COPG2: variants seen among roughly 807,000 people sequenced by gnomAD.
COPG2 encodes coat protein complex I subunit gamma 2, also known as coatomer subunit gamma-2.
COPG2 carries 37 observed loss-of-function variants against 46.3 expected under a neutral mutation model. That is an observed-to-expected ratio of 0.80 (90% CI 0.61 to 1.05). The LOEUF (loss-of-function observed/expected upper bound fraction) is 1.05. COPG2 is among the 50% of genes least tolerant of loss of function. The pLI, the probability that COPG2 is intolerant of heterozygous loss-of-function variation, is 0.00. For missense variants in COPG2, 427 were observed against 387.8 expected (o/e 1.10, Z -0.85); for synonymous variants, 159 against 129.7 (o/e 1.23, Z -1.53).
At chr7:130,576,591 T>G (rs569160238) in intron 9 of COPG2, among the ~76,000 whole-genome samples, 1 of 152,098 alleles carries the variant, frequency 6.6e-6, no homozygotes, top group Non-Finnish European at 1.5e-5. Flanking sequence ...TTCATAGCCC[T>G]CCATCAAAAG....
chr7:130,621,943 CAAA>C lies in COPG2; in HGVS notation c.324-4881_324-4879del, dbSNP rs562107230. The stretch of plus-strand genomic sequence containing the variant: ...TGGGAGACAGAGCGAGACTCCATCT[CAAA>C]AAAAAAAAAAAAAAAAAAAAGACAA... On this transcript the variant is annotated intron_variant, in intron 5 of 23. Transcript: ENST00000425248. Among the ~76,000 whole-genome samples, 135 of 67,530 alleles carry C rather than the reference CAAA, an allele frequency of 2.0e-3. 1 individual carries two copies. The highest frequency in any genetic ancestry group is 6.1e-3 in the African/African-American group (126 of 20,584). 44.3% of individuals were successfully genotyped at this position (67,530 alleles called of 152,430 possible).
At chr7:130,605,215 T>C (rs1033982901) in intron 9 of COPG2, 4 of 520,064 alleles carry the variant, frequency 7.7e-6, no homozygotes, top group South Asian at 1.4e-5. Context: ...CTAACTCTCT[T>C]TGACTCTCTC....
At chr7:130,526,849 T>G (rs1176809802) in intron 20 of COPG2, among the ~76,000 whole-genome samples, 4 of 34,912 alleles carry the variant, frequency 1.1e-4, no homozygotes, top group East Asian at 7.1e-4. Flanking sequence ...GGGTTCGGGG[T>G]GGGATTTGGG....
rs1429797353 is a variant in COPG2 at position 130,666,231 on chromosome 7, GC to G, written c.171+617del. Reference sequence around the variant, plus strand: ...TAAAATCTGAATATTAACAATCAAAGCTTTAAAACATCATTACACACATAAA... The same window carrying G: ...TAAAATCTGAATATTAACAATCAAAGTTTAAAACATCATTACACACATAAA... On this transcript the variant is annotated intron_variant, in intron 3 of 23. Coordinates refer to ENST00000425248, the MANE Select transcript of COPG2 (RefSeq NM_012133.6). 3.9e-5 allele frequency among the ~76,000 whole-genome samples: 6 copies of G among 152,230 alleles called. No individual in the cohort carries two copies. The East Asian group carries it at 1.2e-3, about 29-fold the overall frequency.
chr7:130,509,221 T>C (rs1449340393), intron 20 of COPG2: 1 of 492,880 alleles, frequency 2.0e-6, no homozygotes, highest in Non-Finnish European at 4.1e-6. Context: ...GAGTTTCTAG[T>C]ATTGGTAAAG....
intron 1 of COPG2, 78 bp from the exon 2 acceptor site, chr7:130,667,612 T>A: frequency 8.5e-7 from 1 of 1,171,516 alleles, no homozygotes; most frequent in Non-Finnish European, 1.3e-6. Flanking sequence ...AGAAGGGTAC[T>A]GAATGCTTGG....
chr7:130,646,285 C>CTTCATGGTCTGCTGCT (rs1435348091), intron 5 of COPG2, among the ~76,000 whole-genome samples: 1 of 152,200 alleles, frequency 6.6e-6, no homozygotes, highest in Non-Finnish European at 1.5e-5. Flanking sequence ...CTGCTGAAGA[C>CTTCATGGTCTGCTGCT]GAAGGGCTTC....
chr7:130,578,183 C>G (rs1484904381), intron 9 of COPG2, among the ~76,000 whole-genome samples: 2 of 149,060 alleles, frequency 1.3e-5, no homozygotes, highest in Non-Finnish European at 3.0e-5. Context: ...CAAGTGGGTC[C>G]CTGACCCCTG....
intron 5 of COPG2, among the ~76,000 whole-genome samples, chr7:130,646,661 G>A (rs1795600459): frequency 6.6e-6 from 1 of 151,816 alleles, no homozygotes; most frequent in Non-Finnish European, 1.5e-5. Context: ...CGTGTTGAGG[G>A]AGGTAGGTGA....
At chr7:130,589,294 TA>T (rs1794351085) in intron 9 of COPG2, among the ~76,000 whole-genome samples, 1 of 151,678 alleles carries the variant, frequency 6.6e-6, no homozygotes, top group African/African-American at 2.4e-5. Context: ...TTTTTTTTTT[TA>T]AGAGTCGGGT....
At chr7:130,564,977 AAGC>A (rs1793779178) in intron 9 of COPG2, among the ~76,000 whole-genome samples, 2 of 152,254 alleles carry the variant, frequency 1.3e-5, no homozygotes, top group African/African-American at 4.8e-5. Flanking sequence ...CAGCTGCCAG[AAGC>A]AGCAATTTTA....
chr7:130,632,430 T>C (rs1195292901), intron 5 of COPG2, among the ~76,000 whole-genome samples: 1 of 152,222 alleles, frequency 6.6e-6, no homozygotes. Flanking sequence ...GCAGAGTCCT[T>C]TGAATTTACC....
intron 20 of COPG2, among the ~76,000 whole-genome samples, chr7:130,521,707 T>C (rs1213737512): frequency 6.6e-6 from 1 of 152,190 alleles, no homozygotes; most frequent in African/African-American, 2.4e-5. Context: ...CTGCATGGAT[T>C]TGGCAACATT....
At position 130,659,354 on chromosome 7, in the gene COPG2, CA is replaced by C. The variant is rs59413856; in HGVS notation, c.243+3612del. On this transcript the variant is annotated intron_variant, in intron 4 of 23. Coordinates refer to ENST00000425248, the MANE Select transcript of COPG2 (RefSeq NM_012133.6). ...TGGGCGACAGAGCAAGACTCCGTCT[CA>C]AAAAAAAAAAAAACGAACAAACAAG... 2.9e-4 allele frequency among the ~76,000 whole-genome samples: 19 copies of C among 65,470 alleles called. 1 individual carries two copies. Among genetic ancestry groups the C allele is most frequent in the African/African-American group, 6.1e-4 (10 of 16,470 alleles). The allele number at this position is 65,470 out of a possible 152,430, so 43.0% of individuals were successfully genotyped here.
At chr7:130,567,892 CAAT>C (rs1391650218) in intron 9 of COPG2, among the ~76,000 whole-genome samples, 2 of 151,978 alleles carry the variant, frequency 1.3e-5, no homozygotes, top group Non-Finnish European at 2.9e-5. Context: ...GCCTATAAAA[CAAT>C]AACACAATGA....
At chr7:130,568,448 A>C (rs1459415197) in intron 9 of COPG2, among the ~76,000 whole-genome samples, 1 of 152,210 alleles carries the variant, frequency 6.6e-6, no homozygotes, top group African/African-American at 2.4e-5. Context: ...AAGCAACAAT[A>C]GTTTAAAAAG....
At chr7:130,653,021 C>T (rs1343610171) in intron 4 of COPG2, 73 bp from the exon 5 acceptor site, 19 of 895,490 alleles carry the variant, frequency 2.1e-5, no homozygotes, top group African/African-American at 3.4e-5. Context: ...GAAGTGAGGA[C>T]CCCAAGTAGA....
chr7:130,596,844 T>C (rs963083587), intron 9 of COPG2, among the ~76,000 whole-genome samples: 2 of 152,244 alleles, frequency 1.3e-5, no homozygotes, highest in African/African-American at 4.8e-5. Context: ...ACTGTTCTTT[T>C]CTCTTTCAGG....
chr7:130,542,976 G>A (rs1026396737), intron 20 of COPG2, among the ~76,000 whole-genome samples: 27 of 152,250 alleles, frequency 1.8e-4, no homozygotes, highest in African/African-American at 4.3e-4. Context: ...AATCCTAGAC[G>A]ACAAGCGAGT....
Sources: gnomAD v4.1 joint callset for allele counts (sites outside exome capture counted in the v4.1 genomes callset) on GRCh38, gnomAD v4.1.1 for gene constraint, MANE v1.5 for transcripts, NCBI Gene and HGNC (gene_info 2026-07-23, HGNC 2026-07-21) for gene names.